Variants in SLC4A8 observed in about 807,000 individuals in gnomAD.
The protein encoded by SLC4A8 is solute carrier family 4 member 8.
Under a neutral mutation model 125.0 loss-of-function variants are expected in SLC4A8, and 40 were observed. That is an observed-to-expected ratio of 0.32 (90% CI 0.25 to 0.42). The LOEUF is 0.42. Among genes scored for constraint, SLC4A8 ranks in the 10% least tolerant of loss-of-function variants. The pLI is 1.00. For synonymous variants in SLC4A8, 456 were observed against 476.0 expected (o/e 0.96, Z 0.55); for missense variants, 863 against 1,355.1 (o/e 0.64, Z 5.70).
intron 1 of SLC4A8, among the ~76,000 whole-genome samples, chr12:51,427,234 G>A (rs569955671): frequency 2.0e-5 from 3 of 152,194 alleles, no homozygotes; most frequent in South Asian, 2.1e-4. Flanking sequence ...CACCGTGCCC[G>A]GCCCAGATTT....
upstream of SLC4A8, chr12:51,424,764 T>C (rs1327746363): frequency 5.9e-6 from 3 of 505,380 alleles, no homozygotes; most frequent in Admixed American, 4.0e-5. Context: ...CCGGACAGCG[T>C]CCTCCCGTGC....
At chr12:51,424,807 C>T, upstream of SLC4A8, 1 of 613,636 alleles carries the variant, frequency 1.6e-6, no homozygotes, top group South Asian at 2.0e-5. Context: ...AGGCCTCTCG[C>T]TGATTGGTTG....
At chr12:51,453,772 G>C (rs987308118) in intron 5 of SLC4A8, 73 bp downstream of exon 5, 1 of 1,407,920 alleles carries the variant, frequency 7.1e-7, no homozygotes, top group African/African-American at 1.4e-5. Flanking sequence ...GGAGTGTGGC[G>C]TGACAGAAAG....
At chr12:51,432,098 C>G (rs746954031) in intron 1 of SLC4A8, among the ~76,000 whole-genome samples, 1 of 152,066 alleles carries the variant, frequency 6.6e-6, no homozygotes, top group African/African-American at 2.4e-5. Flanking sequence ...TGTATTACCT[C>G]GGTTTGCTGA....
At chr12:51,422,726 A>G (rs1461362440), upstream of SLC4A8, among the ~76,000 whole-genome samples, 1 of 152,134 alleles carries the variant, frequency 6.6e-6, no homozygotes, top group East Asian at 1.9e-4. Context: ...GCTTTGGCCC[A>G]AATTGTGGCT....
chr12:51,412,444 A>G (rs1052541941), intron 1 of SLC4A8, among the ~76,000 whole-genome samples: 1 of 152,138 alleles, frequency 6.6e-6, no homozygotes, highest in African/African-American at 2.4e-5. Flanking sequence ...AATATTTCAA[A>G]TCTTCTCTTC....
chr12:51,460,789 A>G (rs756112651), intron 8 of SLC4A8, among the ~76,000 whole-genome samples: 1 of 152,232 alleles, frequency 6.6e-6, no homozygotes, highest in Non-Finnish European at 1.5e-5. Flanking sequence ...TGTCCAGAAC[A>G]CATTTAGACT....
intron 4 of SLC4A8, 25 bp downstream of exon 4, chr12:51,452,284 C>G (rs757504668): frequency 2.5e-6 from 4 of 1,613,512 alleles, no homozygotes; most frequent in Non-Finnish European, 3.4e-6. Flanking sequence ...TGGCCTGCAT[C>G]AAGATCTGCT....
At chr12:51,401,888 CT>C (rs1948400970) in intron 1 of SLC4A8, among the ~76,000 whole-genome samples, 2 of 152,160 alleles carry the variant, frequency 1.3e-5, no homozygotes, top group Admixed American at 1.3e-4. Flanking sequence ...CCTCAGCCCC[CT>C]GAGTAGCTGG....
At chr12:51,475,272 T>G in intron 16 of SLC4A8, 66 bp downstream of exon 16, 1 of 1,500,836 alleles carries the variant, frequency 6.7e-7, no homozygotes, top group South Asian at 1.2e-5. Context: ...TTTCTCAGCC[T>G]TCATGCTGCT....
upstream of SLC4A8, among the ~76,000 whole-genome samples, chr12:51,424,063 C>CAAAAA (rs199851698): frequency 9.3e-6 from 1 of 107,056 alleles, no homozygotes; most frequent in African/African-American, 3.6e-5. Flanking sequence ...ACAAAAAAAA[C>CAAAAA]AACAAAAAAA....
Position 51,511,730 on chromosome 12 carries a change from C to G in SLC4A8, c.*4292C>G, listed in dbSNP as rs1239155761. On this transcript the variant is annotated 3_prime_UTR_variant, in exon 25 of 25. Transcript: ENST00000453097. ...AGTTATTTATCGTCACAAGTGTTGTCATCTGTGACTCATGGGCCACTTGAT... is the reference window on the plus strand; with the variant it reads ...AGTTATTTATCGTCACAAGTGTTGTGATCTGTGACTCATGGGCCACTTGAT... 1 of 152,206 alleles carries G rather than the reference C, an allele frequency of 6.6e-6. No homozygotes were observed. The highest frequency in any genetic ancestry group is 2.4e-5 in the African/African-American group (1 of 41,448). 9.4% of individuals were successfully genotyped at this position (152,206 alleles called of 1,614,324 possible). A position where few individuals can be genotyped will look rare whatever the true frequency, so the allele number is the denominator to read the frequency against.
At chr12:51,473,885 A>C (rs986963910) in intron 14 of SLC4A8, among the ~76,000 whole-genome samples, 21 of 152,344 alleles carry the variant, frequency 1.4e-4, no homozygotes, top group African/African-American at 5.1e-4. Flanking sequence ...CTTTTAGAAC[A>C]AGAGCATGAC....
chr12:51,476,660 A>C (rs769412065), intron 16 of SLC4A8, among the ~76,000 whole-genome samples: 8 of 152,180 alleles, frequency 5.3e-5, no homozygotes, highest in African/African-American at 1.2e-4. Context: ...CCATCAGTAC[A>C]TCAAAAATGG....
chr12:51,453,473 G>A (rs1313531463), intron 4 of SLC4A8, 66 bp from the exon 5 acceptor site: 22 of 1,526,426 alleles, frequency 1.4e-5, no homozygotes, highest in East Asian at 9.0e-5. Flanking sequence ...GGCTCACATC[G>A]AAGATTCTCT....
chr12:51,499,626 C>A (rs1937757545), intron 22 of SLC4A8, among the ~76,000 whole-genome samples: 1 of 94,398 alleles, frequency 1.1e-5, no homozygotes, highest in African/African-American at 7.1e-5. Flanking sequence ...TATAATTCTA[C>A]ACACACACAC....
intron 9 of SLC4A8, 169 bp from the exon 10 acceptor site, chr12:51,462,141 T>A: frequency 1.6e-6 from 1 of 621,464 alleles, no homozygotes; most frequent in Non-Finnish European, 2.8e-6. Context: ...GCTTGTTTTT[T>A]AAATCCTTTT....
chr12:51,501,799 C>T (rs945234370), intron 22 of SLC4A8: 3 of 152,152 alleles, frequency 2.0e-5, no homozygotes, highest in Non-Finnish European at 4.4e-5. Flanking sequence ...CACTTTTCTC[C>T]ACAACCATGC....
intron 1 of SLC4A8, among the ~76,000 whole-genome samples, chr12:51,434,441 A>C (rs1038520789): frequency 6.6e-6 from 1 of 152,236 alleles, no homozygotes; most frequent in African/African-American, 2.4e-5. Flanking sequence ...CAAAGTCCAC[A>C]CATTCACATT....
Sources: gnomAD v4.1 joint callset for allele counts (sites outside exome capture counted in the v4.1 genomes callset) on GRCh38, gnomAD v4.1.1 for gene constraint, MANE v1.5 for transcripts, NCBI Gene and HGNC (gene_info 2026-07-23, HGNC 2026-07-21) for gene names.